TECPR2: variants seen among roughly 807,000 people sequenced by gnomAD.
TECPR2 encodes the protein tectonin beta-propeller repeat containing 2.
Under a neutral mutation model 138.1 loss-of-function variants are expected in TECPR2, and 65 were observed. That is an observed-to-expected ratio of 0.47 (90% CI 0.39 to 0.58). TECPR2 has a LOEUF of 0.58. Ranked by LOEUF, TECPR2 falls within the 20% of genes least tolerant of loss-of-function variation. The pLI, the probability that TECPR2 is intolerant of heterozygous loss-of-function variation, is 0.00. For synonymous variants in TECPR2, 746 were observed against 749.8 expected (o/e 0.99, Z 0.08); for missense variants, 1,553 against 1,824.5 (o/e 0.85, Z 2.71).
At chr14:102,381,996 T>C (rs1887837948) in intron 2 of TECPR2, among the ~76,000 whole-genome samples, 1 of 152,120 alleles carries the variant, frequency 6.6e-6, no homozygotes, top group African/African-American at 2.4e-5. Flanking sequence ...AAGTAGATTT[T>C]GAAAAATTAC....
intron 4 of TECPR2, among the ~76,000 whole-genome samples, chr14:102,409,866 G>A (rs189832233): frequency 2.2e-3 from 341 of 152,018 alleles, no homozygotes; most frequent in African/African-American, 7.2e-3. Context: ...GTGCAGTGGC[G>A]CGATCTCGGC....
chr14:102,462,232 G>A (rs933791877), intron 16 of TECPR2, among the ~76,000 whole-genome samples: 1 of 152,148 alleles, frequency 6.6e-6, no homozygotes, highest in Non-Finnish European at 1.5e-5. Context: ...AGACTCTAAT[G>A]TAAAATTGTC....
intron 1 of TECPR2, 127 bp downstream of exon 1, chr14:102,363,243 G>T (rs910370724): frequency 9.9e-6 from 2 of 201,368 alleles, no homozygotes; most frequent in African/African-American, 4.7e-5. Flanking sequence ...CTCCATGCCC[G>T]TCCGCCCCGT....
At chr14:102,409,202 G>C (rs1888748983) in intron 4 of TECPR2, among the ~76,000 whole-genome samples, 1 of 152,060 alleles carries the variant, frequency 6.6e-6, no homozygotes, top group African/African-American at 2.4e-5. Context: ...GGTTTTATTT[G>C]TTTTGTCATG....
At chr14:102,459,598 C>T (rs1595137468) in intron 16 of TECPR2, among the ~76,000 whole-genome samples, 2 of 152,032 alleles carry the variant, frequency 1.3e-5, no homozygotes, top group Admixed American at 6.6e-5. Context: ...GGTGAAACCC[C>T]GTCTCTACTA....
At chr14:102,427,997 C>G (rs529594160) in intron 6 of TECPR2, among the ~76,000 whole-genome samples, 1 of 152,152 alleles carries the variant, frequency 6.6e-6, no homozygotes, top group Non-Finnish European at 1.5e-5. Flanking sequence ...GCAGCAGGGA[C>G]GAGGGCAGGG....
In TECPR2 at chr14:102,501,313, G is replaced by C. The variant is rs1419743455; in HGVS notation, c.*3056G>C. On this transcript the variant is annotated 3_prime_UTR_variant, in exon 20 of 20. Transcript: ENST00000359520. ...ACTGTCTGATTTCTGGATGGCAAAG[G>C]CTTTCTAAACTCAAAAGTGATAGGA... 6.6e-6 allele frequency: 1 copy of C among 152,226 alleles called. No individual in the cohort carries two copies. Among genetic ancestry groups the C allele is most frequent in the Non-Finnish European group, 1.5e-5 (1 of 68,046 alleles). 9.4% of individuals were successfully genotyped at this position (152,226 alleles called of 1,614,324 possible).
intron 17 of TECPR2, among the ~76,000 whole-genome samples, chr14:102,465,865 C>A (rs1890541218): frequency 6.6e-6 from 1 of 152,158 alleles, no homozygotes; most frequent in South Asian, 2.1e-4. Context: ...TCTAGTTACC[C>A]TTAAAGATCC....
chr14:102,496,945 C>G, intron 17 of TECPR2, 34 bp from the exon 18 acceptor site: 1 of 1,608,928 alleles, frequency 6.2e-7, no homozygotes, highest in Non-Finnish European at 8.5e-7. Context: ...TCACCCAACT[C>G]CTGCCTTCCC....
At chr14:102,448,197 TA>T (rs1302884791) in intron 13 of TECPR2, among the ~76,000 whole-genome samples, 1 of 152,058 alleles carries the variant, frequency 6.6e-6, no homozygotes, top group Non-Finnish European at 1.5e-5. Context: ...TGACCTCAAG[TA>T]ATCCACCTGC....
chr14:102,440,117 G>A (rs1462466492), intron 10 of TECPR2, among the ~76,000 whole-genome samples: 1 of 152,224 alleles, frequency 6.6e-6, no homozygotes. Flanking sequence ...CCTGTCATGT[G>A]CCCAGCTCTG....
intron 2 of TECPR2, among the ~76,000 whole-genome samples, chr14:102,397,932 G>A (rs567844840): frequency 6.6e-6 from 1 of 151,736 alleles, no homozygotes; most frequent in South Asian, 2.1e-4. Flanking sequence ...AATTAGCTGG[G>A]CGTGGTGGCA....
chr14:102,443,367 G>A lies in TECPR2; in HGVS notation c.2753-280G>A, dbSNP rs1395038275. 6.6e-6 allele frequency among the ~76,000 whole-genome samples: 1 copy of A among 152,164 alleles called. No homozygotes were observed. Among genetic ancestry groups the A allele is most frequent in the Non-Finnish European group, 1.5e-5 (1 of 68,022 alleles). The stretch of plus-strand genomic sequence containing the variant: ...GTTGATTAAACTTGACAACAAAAAA[G>A]CGGCCGGACAGGGCAGCTCCTGCCT... On this transcript the variant is annotated intron_variant, in intron 11 of 19. Coordinates refer to ENST00000359520, the MANE Select transcript of TECPR2 (RefSeq NM_014844.5). This position sits in a 1 kb window ranked among gnomAD's most constrained non-coding sequence, Gnocchi z 4.9.
intron 16 of TECPR2, among the ~76,000 whole-genome samples, chr14:102,454,736 T>C (rs1428871732): frequency 6.6e-6 from 1 of 152,198 alleles, no homozygotes; most frequent in Non-Finnish European, 1.5e-5. Context: ...GTCCAGGGCT[T>C]GGTGTGTATT....
intron 1 of TECPR2, among the ~76,000 whole-genome samples, chr14:102,373,390 A>G (rs772126140): frequency 6.6e-6 from 1 of 152,242 alleles, no homozygotes; most frequent in Non-Finnish European, 1.5e-5. Flanking sequence ...TCAATATGGT[A>G]TTAAATAAAT....
chr14:102,424,759 T>C (rs1489722725), intron 5 of TECPR2, among the ~76,000 whole-genome samples: 1 of 152,170 alleles, frequency 6.6e-6, no homozygotes, highest in Non-Finnish European at 1.5e-5. Flanking sequence ...GTTCCCTGTG[T>C]GCTAATGGGG....
intron 2 of TECPR2, among the ~76,000 whole-genome samples, chr14:102,403,538 G>GA (rs1481466101): frequency 6.6e-6 from 1 of 152,058 alleles, no homozygotes; most frequent in East Asian, 1.9e-4. Flanking sequence ...CATTAGCCAA[G>GA]AAAAAGAAAT....
intron 17 of TECPR2, among the ~76,000 whole-genome samples, chr14:102,487,469 A>C (rs73351396): frequency 1.3e-5 from 2 of 152,208 alleles, no homozygotes; most frequent in Non-Finnish European, 2.9e-5. Context: ...GATAAAAGCT[A>C]TGATAAAAGC....
chr14:102,430,019 T>A (rs992895090), intron 7 of TECPR2, among the ~76,000 whole-genome samples: 5 of 152,104 alleles, frequency 3.3e-5, no homozygotes, highest in Non-Finnish European at 7.3e-5. Flanking sequence ...CAGGCTAGAG[T>A]GCAGTGGTGC....
Sources: allele counts gnomAD v4.1 joint callset (sites outside exome capture counted in the v4.1 genomes callset), GRCh38; gene constraint gnomAD v4.1.1; non-coding constraint Gnocchi (gnomAD v3.1); transcripts MANE v1.5; gene names NCBI Gene and HGNC (gene_info 2026-07-23, HGNC 2026-07-21).